GPC5: variants seen among roughly 807,000 people sequenced by gnomAD.
GPC5 encodes the protein glypican-5.
GPC5 carries 47 observed loss-of-function variants against 53.9 expected under a neutral mutation model. The observed-to-expected ratio is 0.87, with a 90% confidence interval of 0.69 to 1.11. GPC5 has a LOEUF of 1.11. GPC5 is among the 50% of genes most tolerant of loss of function. The pLI, the probability that GPC5 is intolerant of heterozygous loss-of-function variation, is 0.00. For missense variants in GPC5, 748 were observed against 713.1 expected (o/e 1.05, Z -0.56); for synonymous variants, 286 against 263.3 (o/e 1.09, Z -0.84).
intron 7 of GPC5, among the ~76,000 whole-genome samples, chr13:92,302,517 T>C (rs949365947): frequency 2.3e-4 from 35 of 152,234 alleles, no homozygotes; most frequent in Admixed American, 5.2e-4. Flanking sequence ...TTTATTTTTA[T>C]TCTACTTTTT....
intron 6 of GPC5, among the ~76,000 whole-genome samples, chr13:92,136,335 A>G (rs1212132309): frequency 6.6e-6 from 1 of 152,194 alleles, no homozygotes; most frequent in Non-Finnish European, 1.5e-5. Context: ...AAATTCACAT[A>G]TATTTATAAT....
At chr13:91,885,345 T>C (rs1260444300) in intron 5 of GPC5, among the ~76,000 whole-genome samples, 2 of 152,264 alleles carry the variant, frequency 1.3e-5, no homozygotes, top group Non-Finnish European at 2.9e-5. Flanking sequence ...CCTAACATTT[T>C]AGTTTTAAGG....
At chr13:91,697,903 CTT>C (rs200034619) in intron 3 of GPC5, among the ~76,000 whole-genome samples, 7,529 of 139,114 alleles carry the variant, frequency 0.054, 578 homozygotes, top group African/African-American at 0.18. Context: ...AAGATGTTTT[CTT>C]TTTTTTTTTT....
At chr13:91,663,565 C>A (rs1403946132) in intron 2 of GPC5, among the ~76,000 whole-genome samples, 1 of 152,080 alleles carries the variant, frequency 6.6e-6, no homozygotes, top group South Asian at 2.1e-4. Context: ...TCAAGTGATC[C>A]CCCTGCCTCA....
intron 7 of GPC5, among the ~76,000 whole-genome samples, chr13:92,679,404 C>T (rs1026279594): frequency 6.6e-6 from 1 of 152,114 alleles, no homozygotes; most frequent in African/African-American, 2.4e-5. Flanking sequence ...TTTTCATGTA[C>T]AATATTCCTA....
chr13:91,725,658 C>T (rs190968782), intron 3 of GPC5, among the ~76,000 whole-genome samples: 6 of 152,140 alleles, frequency 3.9e-5, no homozygotes, highest in Non-Finnish European at 5.9e-5. Context: ...AAAATAATTG[C>T]AAAGATGATA....
intron 6 of GPC5, among the ~76,000 whole-genome samples, chr13:91,964,304 T>C (rs1006186340): frequency 2.0e-5 from 3 of 152,166 alleles, no homozygotes; most frequent in Admixed American, 6.5e-5. Context: ...AGCAGGTTGC[T>C]GGTGTGGGCT....
chr13:91,511,778 A>G (rs532750539), intron 2 of GPC5, among the ~76,000 whole-genome samples: 1 of 151,606 alleles, frequency 6.6e-6, no homozygotes, highest in African/African-American at 2.4e-5. Context: ...CTATTATATT[A>G]CTTAACATAT....
chr13:92,325,616 G>A (rs1232449932), intron 7 of GPC5, among the ~76,000 whole-genome samples: 4 of 152,062 alleles, frequency 2.6e-5, no homozygotes, highest in Non-Finnish European at 5.9e-5. Flanking sequence ...TAGGCAAACA[G>A]ATGATTGGTT....
At chr13:92,724,141 A>G (rs1036960086) in intron 7 of GPC5, among the ~76,000 whole-genome samples, 2 of 151,554 alleles carry the variant, frequency 1.3e-5, no homozygotes, top group East Asian at 3.9e-4. Flanking sequence ...GCTTTCATAG[A>G]AGTTGAGTTA....
intron 6 of GPC5, among the ~76,000 whole-genome samples, chr13:92,071,479 TC>T: frequency 6.6e-6 from 1 of 152,232 alleles, no homozygotes; most frequent in East Asian, 1.9e-4. Flanking sequence ...AAAATGGGAA[TC>T]TAACTTCATT....
intron 7 of GPC5, among the ~76,000 whole-genome samples, chr13:92,805,554 A>C (rs1198687536): frequency 3.3e-5 from 5 of 152,030 alleles, no homozygotes; most frequent in African/African-American, 7.2e-5. Context: ...CTTCTACTTC[A>C]GCCTCCCAAG....
intron 6 of GPC5, among the ~76,000 whole-genome samples, chr13:91,973,930 C>G (rs1477906923): frequency 6.6e-6 from 1 of 152,198 alleles, no homozygotes; most frequent in Non-Finnish European, 1.5e-5. Context: ...GCTCGGGGTT[C>G]AGGGACCCAC....
chr13:92,278,496 A>T (rs1435455743), intron 7 of GPC5, among the ~76,000 whole-genome samples: 1 of 152,064 alleles, frequency 6.6e-6, no homozygotes, highest in Non-Finnish European at 1.5e-5. Context: ...TAAAAAGTCT[A>T]AAAGACAACT....
intron 2 of GPC5, among the ~76,000 whole-genome samples, chr13:91,621,509 G>A (rs556826622): frequency 6.4e-4 from 98 of 152,004 alleles, no homozygotes; most frequent in Middle Eastern, 3.4e-3. Flanking sequence ...GAATAGCAAA[G>A]CTCTCTTTCC....
chr13:92,457,696 C>A (rs763468521), intron 7 of GPC5, among the ~76,000 whole-genome samples: 5 of 151,860 alleles, frequency 3.3e-5, no homozygotes, highest in Non-Finnish European at 5.9e-5. Context: ...TTTCCTTAAG[C>A]TTTATATTCC....
chr13:92,728,165 A>G (rs1888696332), intron 7 of GPC5, among the ~76,000 whole-genome samples: 1 of 151,508 alleles, frequency 6.6e-6, no homozygotes, highest in Non-Finnish European at 1.5e-5. Flanking sequence ...ATTATTTGCC[A>G]TAGGCATTTA....
At chr13:92,741,338 T>C (rs1417494451) in intron 7 of GPC5, among the ~76,000 whole-genome samples, 1 of 151,860 alleles carries the variant, frequency 6.6e-6, no homozygotes, top group Non-Finnish European at 1.5e-5. Context: ...ATCACATTAA[T>C]GTATTCAGGC....
chr13:92,704,887 G>GTATATATATATACTCAATGTGTA, intron 7 of GPC5, among the ~76,000 whole-genome samples: 1 of 147,790 alleles, frequency 6.8e-6, no homozygotes, highest in Non-Finnish European at 1.5e-5. Flanking sequence ...CTCAATGTGT[G>GTATATATATATACTCAATGTGTA]TATATATATG....
Sources: allele counts gnomAD v4.1 joint callset (sites outside exome capture counted in the v4.1 genomes callset), GRCh38; gene constraint gnomAD v4.1.1; transcripts MANE v1.5; gene names NCBI Gene and HGNC (gene_info 2026-07-23, HGNC 2026-07-21).